Variants in ADGRL3 observed in about 807,000 individuals in gnomAD.
ADGRL3 encodes adhesion G protein-coupled receptor L3.
In ADGRL3, 62 loss-of-function variants were observed where a neutral mutation model predicts 153.5. That is an observed-to-expected ratio of 0.40 (90% CI 0.33 to 0.50). The LOEUF (loss-of-function observed/expected upper bound fraction) is 0.50, where lower values mean the gene tolerates loss of function less well. Among genes scored for constraint, ADGRL3 ranks in the 20% least tolerant of loss-of-function variants. The pLI, the probability that ADGRL3 is intolerant of heterozygous loss-of-function variation, is 0.47. For missense variants in ADGRL3, 1,641 were observed against 1,859.4 expected, an observed-to-expected ratio of 0.88 and a Z score of 2.16; for synonymous variants, 710 against 672.5, an observed-to-expected ratio of 1.06 and a Z score of -0.86.
intron 5 of ADGRL3, among the ~76,000 whole-genome samples, chr4:61,640,144 T>C (rs1217931162): frequency 6.6e-6 from 1 of 152,010 alleles, no homozygotes; most frequent in Non-Finnish European, 1.5e-5. Flanking sequence ...GACCAAGTTA[T>C]CAGATCATGC....
chr4:61,600,718 C>T (rs1017290432), intron 5 of ADGRL3, among the ~76,000 whole-genome samples: 8 of 152,010 alleles, frequency 5.3e-5, no homozygotes, highest in African/African-American at 9.7e-5. Context: ...GTGTCATTCC[C>T]GATTTTGATA....
intron 2 of ADGRL3, among the ~76,000 whole-genome samples, chr4:61,421,361 A>C (rs908163996): frequency 6.6e-6 from 1 of 151,946 alleles, no homozygotes; most frequent in Non-Finnish European, 1.5e-5. Flanking sequence ...AAAAAAAAAA[A>C]CTGGCAAATG....
intron 1 of ADGRL3, chr4:61,211,535 A>G (rs1221681621): frequency 6.6e-6 from 1 of 152,236 alleles, no homozygotes; most frequent in Non-Finnish European, 1.5e-5. Flanking sequence ...AGGTGCTGAT[A>G]GTATCTGAAT....
intron 8 of ADGRL3, among the ~76,000 whole-genome samples, chr4:61,800,048 G>A (rs1289402246): frequency 1.3e-5 from 2 of 152,124 alleles, no homozygotes; most frequent in African/African-American, 2.4e-5. Flanking sequence ...GCCATGGCAC[G>A]ACACTGCCTT....
At chr4:61,978,173 T>C (rs1403316393) in intron 17 of ADGRL3, among the ~76,000 whole-genome samples, 1 of 152,146 alleles carries the variant, frequency 6.6e-6, no homozygotes, top group African/African-American at 2.4e-5. Flanking sequence ...AAAGTATCAA[T>C]TAGAAAGACA....
chr4:61,370,573 G>C (rs1300527397), intron 1 of ADGRL3, among the ~76,000 whole-genome samples: 8 of 152,164 alleles, frequency 5.3e-5, no homozygotes, highest in Admixed American at 1.3e-4. Context: ...GTTCTAGTTT[G>C]ATTGCACTGT....
At chr4:61,642,738 T>C (rs997230835) in intron 5 of ADGRL3, among the ~76,000 whole-genome samples, 1 of 152,184 alleles carries the variant, frequency 6.6e-6, no homozygotes, top group African/African-American at 2.4e-5. Flanking sequence ...TCCAGCTTTG[T>C]TCTTTTGGCT....
chr4:61,758,291 G>T (rs1032279401), intron 8 of ADGRL3, among the ~76,000 whole-genome samples: 1 of 152,094 alleles, frequency 6.6e-6, no homozygotes, highest in African/African-American at 2.4e-5. Flanking sequence ...TTAAAAGTCT[G>T]CCATTATTAT....
At chr4:61,511,948 C>T (rs925157326) in intron 3 of ADGRL3, among the ~76,000 whole-genome samples, 1 of 152,048 alleles carries the variant, frequency 6.6e-6, no homozygotes, top group Non-Finnish European at 1.5e-5. Flanking sequence ...TCATATACAC[C>T]TTAGGGAGAA....
intron 8 of ADGRL3, among the ~76,000 whole-genome samples, chr4:61,784,709 C>G (rs1335530195): frequency 1.3e-5 from 2 of 152,040 alleles, no homozygotes; most frequent in Non-Finnish European, 2.9e-5. Context: ...TGGGTATCAG[C>G]TTTTAGGAAG....
chr4:61,805,045 T>TC (rs1407910343), intron 8 of ADGRL3, among the ~76,000 whole-genome samples: 2 of 151,612 alleles, frequency 1.3e-5, no homozygotes, highest in Non-Finnish European at 2.9e-5. Context: ...AACCTCCACC[T>TC]CCCGGATTCA....
At chr4:61,938,633 G>A (rs1400425658) in intron 15 of ADGRL3, among the ~76,000 whole-genome samples, 2 of 151,866 alleles carry the variant, frequency 1.3e-5, no homozygotes, top group Non-Finnish European at 1.5e-5. Context: ...CTGTGCTGCC[G>A]CTGCTGCTGC....
intron 25 of ADGRL3, among the ~76,000 whole-genome samples, chr4:62,048,579 C>T (rs1326117204): frequency 6.6e-6 from 1 of 151,732 alleles, no homozygotes; most frequent in Non-Finnish European, 1.5e-5. Context: ...TTTTTTGAGC[C>T]AGGGTCTCCC....
chr4:62,067,597 T>C (rs1217480872), intron 25 of ADGRL3, among the ~76,000 whole-genome samples: 1 of 151,922 alleles, frequency 6.6e-6, no homozygotes, highest in Non-Finnish European at 1.5e-5. Flanking sequence ...GATCAAAAAA[T>C]TCATATATGT....
chr4:61,779,173 G>A (rs1430683158), intron 8 of ADGRL3, among the ~76,000 whole-genome samples: 1 of 151,982 alleles, frequency 6.6e-6, no homozygotes, highest in Admixed American at 6.6e-5. Flanking sequence ...AAATTATTTG[G>A]TAAATTAGAA....
At chr4:61,844,546 C>CA (rs71604517) in intron 9 of ADGRL3, among the ~76,000 whole-genome samples, 13 of 17,546 alleles carry the variant, frequency 7.4e-4, no homozygotes, top group Non-Finnish European at 8.5e-4. Context: ...GACTGCATCT[C>CA]AAAAAAAAAA....
In ADGRL3 at chr4:61,947,077, G is replaced by A. The variant is rs539964140; in HGVS notation, c.2583G>A (p.Lys861=). ...CAATAAACAAAGAGTTCAGTAACAAGGTTTATTTGGCTGATCCTGTGGTAT... is the reference window on the plus strand; with the variant it reads ...CAATAAACAAAGAGTTCAGTAACAAAGTTTATTTGGCTGATCCTGTGGTAT... ...TAAINKEFSN[K]VYLADPVVFT... Residue 861 remains lysine (K), a synonymous_variant, in exon 16 of 27, where the codon AAG becomes AAA. Coordinates refer to ENST00000683033, the MANE Select transcript of ADGRL3 (RefSeq NM_001387552.1). 2 of 1,613,792 alleles carry A rather than the reference G, an allele frequency of 1.2e-6. No homozygotes were observed. The highest frequency in any genetic ancestry group is 1.7e-6 in the Non-Finnish European group (2 of 1,179,772).
At chr4:61,422,808 TA>T (rs1434294649) in intron 2 of ADGRL3, among the ~76,000 whole-genome samples, 4 of 151,098 alleles carry the variant, frequency 2.6e-5, no homozygotes, top group Non-Finnish European at 4.4e-5. Context: ...TATAAATAGA[TA>T]AAAAATATAA....
intron 8 of ADGRL3, among the ~76,000 whole-genome samples, chr4:61,749,718 G>C (rs966950386): frequency 2.0e-5 from 3 of 152,048 alleles, no homozygotes; most frequent in African/African-American, 7.2e-5. Flanking sequence ...GTAGGGTGGG[G>C]GGTGGAGGGA....
Sources: allele counts gnomAD v4.1 joint callset (sites outside exome capture counted in the v4.1 genomes callset), GRCh38; gene constraint gnomAD v4.1.1; transcripts MANE v1.5; gene names NCBI Gene and HGNC (gene_info 2026-07-23, HGNC 2026-07-21).